The following NLRP13 variants were observed in gnomAD, a reference collection of about 807,000 sequenced individuals.
The protein encoded by NLRP13 is NLR family pyrin domain containing 13.
Under a neutral mutation model 94.4 loss-of-function variants are expected in NLRP13, and 82 were observed. That is an observed-to-expected ratio of 0.87 (90% CI 0.73 to 1.04). The LOEUF (loss-of-function observed/expected upper bound fraction) is 1.04. NLRP13 is among the 50% of genes least tolerant of loss of function. The pLI is 0.00. For missense variants in NLRP13, 1,426 were observed against 1,230.8 expected, an observed-to-expected ratio of 1.16 and a Z score of -2.37; for synonymous variants, 553 against 464.7, an observed-to-expected ratio of 1.19 and a Z score of -2.45.
At position 55,896,014 on chromosome 19, in the gene NLRP13, A is replaced by G; in HGVS notation, c.3063T>C (p.Asp1021=). ...TACATAGCATCTTGACACCATCAGT[A>G]TCCAATTCATTGCCTAGAAGGTTCA... ...VNLNLLGNEL[D]TDGVKMLCKA... Residue 1021 remains aspartate, a synonymous_variant, in exon 11 of 11, where the codon GAT becomes GAC. Coordinates refer to ENST00000342929, the MANE Select transcript of NLRP13 (RefSeq NM_176810.2). 6.2e-7 allele frequency: 1 copy of G among 1,614,226 alleles called. No individual in the cohort carries two copies. The highest frequency in any genetic ancestry group is 8.5e-7 in the Non-Finnish European group (1 of 1,180,032).
At chr19:55,918,582 C>A (rs1481137172) in intron 4 of NLRP13, among the ~76,000 whole-genome samples, 1 of 151,916 alleles carries the variant, frequency 6.6e-6, no homozygotes, top group African/African-American at 2.4e-5. Context: ...TGATCAGAGA[C>A]TACTATGGAC....
chr19:55,892,565 G>A (rs1333654955), downstream of NLRP13, among the ~76,000 whole-genome samples: 2 of 152,056 alleles, frequency 1.3e-5, no homozygotes, highest in Non-Finnish European at 2.9e-5. Context: ...GGGATTATAG[G>A]CGCACACCAC....
intron 10 of NLRP13, among the ~76,000 whole-genome samples, 182 bp from the exon 11 acceptor site, chr19:55,896,301 G>C (rs1986008558): frequency 6.6e-6 from 1 of 152,052 alleles, no homozygotes; most frequent in African/African-American, 2.4e-5. Context: ...GAGGTGGGTA[G>C]ATCATGAGGT....
chr19:55,891,946 TG>T, downstream of NLRP13: 1 of 424,560 alleles, frequency 2.4e-6, no homozygotes, highest in Non-Finnish European at 4.0e-6. Context: ...CAGGATGTCC[TG>T]GTGGCTTTCC....
At position 55,905,018 on chromosome 19, in the gene NLRP13, T is replaced by C; in HGVS notation, c.2542A>G (p.Asn848Asp). 2 of 1,613,764 alleles carry C rather than the reference T, an allele frequency of 1.2e-6. No homozygotes were observed. The highest frequency in any genetic ancestry group is 1.1e-5 in the South Asian group (1 of 91,050). ...QHVTRLCLGF[N>D]RLQDDGIKLL... ...TTTATGCCATCATCTTGGAGCCGAT[T>C]AAATCCCAGGCACAATCGAGTTACG... Residue 848 changes from asparagine to aspartate, a missense_variant, in exon 8 of 11, where the codon AAT (asparagine) becomes GAT (aspartate). Asn to Asp is a conservative substitution (Grantham distance 23). Coordinates refer to ENST00000342929, the MANE Select transcript of NLRP13 (RefSeq NM_176810.2).
At chr19:55,909,128 G>C (rs1600266164) in intron 6 of NLRP13, among the ~76,000 whole-genome samples, 1 of 152,128 alleles carries the variant, frequency 6.6e-6, no homozygotes, top group East Asian at 1.9e-4. Flanking sequence ...CTAGACACCA[G>C]ATCATTCAAA....
At chr19:55,914,293 C>A (rs1166625309) in intron 4 of NLRP13, among the ~76,000 whole-genome samples, 2 of 152,160 alleles carry the variant, frequency 1.3e-5, no homozygotes, top group Non-Finnish European at 2.9e-5. Flanking sequence ...AATGAGCATT[C>A]TAGAGTATAG....
intron 4 of NLRP13, among the ~76,000 whole-genome samples, chr19:55,916,223 TCC>T (rs1320698295): frequency 4.6e-5 from 7 of 151,956 alleles, no homozygotes. Context: ...GAAAAAATAG[TCC>T]CATCTAAACA....
In NLRP13 at chr19:55,907,833, A is replaced by C. The variant is rs760538006; in HGVS notation, c.2406T>G (p.Leu802=). Residue 802 remains leucine, a synonymous_variant, in exon 7 of 11, where the codon CTT becomes CTG. Transcript: ENST00000342929. ...TGCAAGCTGAGTGTCTCAAAGCTTT[A>C]AGAATCAGGGGGACAGTCATTCCCA... ...NKLGMTVPLI[L]KALRHSACNL... 2 of 1,613,978 alleles carry C rather than the reference A, an allele frequency of 1.2e-6. No homozygotes were observed. Among genetic ancestry groups the C allele is most frequent in the Admixed American group, 1.7e-5 (1 of 59,986 alleles).
chr19:55,912,217 A>G lies in NLRP13; in HGVS notation c.1600T>C (p.Phe534Leu), dbSNP rs770898003. The G allele has an allele frequency of 1.2e-6, 2 of 1,614,182 alleles. No homozygotes were observed. The highest frequency in any genetic ancestry group is 2.2e-5 in the East Asian group (1 of 44,884). ...AACTCCTGGAAACTTAGGTGGGTGA[A>G]AGTAGTGCAACCCCCACAGTCATTG... is the stretch of plus-strand genomic sequence containing the variant. ...KINDCGGCTTFTHLSFQEFFA... is the reference protein window; with the variant it reads ...KINDCGGCTTLTHLSFQEFFA... Residue 534 changes from phenylalanine (F) to leucine (L), a missense_variant, in exon 5 of 11, where the codon TTC becomes CTC. Phe to Leu is a conservative substitution (Grantham distance 22, BLOSUM62 0). Coordinates refer to ENST00000342929, the MANE Select transcript of NLRP13 (RefSeq NM_176810.2).
intron 8 of NLRP13, among the ~76,000 whole-genome samples, chr19:55,904,502 C>T (rs896192236): frequency 2.0e-5 from 3 of 152,140 alleles, no homozygotes; most frequent in Admixed American, 2.0e-4. Flanking sequence ...GAGAGAAGAC[C>T]CTGCTGGGAA....
rs140600757 is a variant in NLRP13, at chr19:55,898,867, C to T, written c.2860G>A (p.Val954Met). The change falls in exon 10 of 11, where the codon GTG becomes ATG. Residue 954 changes from valine to methionine, a missense_variant. Val to Met is a conservative substitution (Grantham distance 21, BLOSUM62 1). Coordinates refer to ENST00000342929, the MANE Select transcript of NLRP13 (RefSeq NM_176810.2). ...TTTTCTCCCAAATCCAAGATTTTCA[C>T]ATTATGATTATGGCTGAGGGCATTA... ...LANALSHNHN[V>M]KILDLGENDL... 5.0e-5 allele frequency: 81 copies of T among 1,614,068 alleles called. 1 individual carries two copies. The African/African-American group carries it at 8.8e-4, about 18-fold the overall frequency.
intron 3 of NLRP13, 73 bp from the exon 4 acceptor site, chr19:55,924,052 A>C: frequency 1.7e-6 from 2 of 1,164,828 alleles, no homozygotes; most frequent in Non-Finnish European, 2.6e-6. Context: ...AAAGACTCTC[A>C]GTAGAACCAA....
At chr19:55,892,219 A>G (rs1985870044), downstream of NLRP13, 2 of 854,490 alleles carry the variant, frequency 2.3e-6, no homozygotes, top group Non-Finnish European at 3.1e-6. Context: ...GGTTTGTTAC[A>G]TGGGTCTACT....
intron 1 of NLRP13, among the ~76,000 whole-genome samples, chr19:55,931,485 G>C (rs1297154075): frequency 3.9e-5 from 6 of 151,906 alleles, no homozygotes; most frequent in African/African-American, 1.4e-4. Context: ...GAGGCGAGCA[G>C]ATCACGAGGT....
rs1986907115 is a variant in NLRP13 at position 55,923,984 on chromosome 19, AAT to A, written c.458-7_458-6del. On this transcript the variant is annotated splice_region_variant and splice_polypyrimidine_tract_variant and intron_variant, in intron 3 of 10. Coordinates refer to ENST00000342929, the MANE Select transcript of NLRP13 (RefSeq NM_176810.2). ...ATCCCTGGGCCTGTACATTCCCTGA[AAT>A]AAACAGTGATGATGAGATATGAAAA... 1.2e-6 allele frequency: 2 copies of A among 1,612,100 alleles called. No homozygotes were observed. Among genetic ancestry groups the A allele is most frequent in the Non-Finnish European group, 1.7e-6 (2 of 1,178,382 alleles).
In NLRP13 at chr19:55,913,035, C is replaced by A. The variant is rs1293197598; in HGVS notation, c.782G>T (p.Arg261Met). 6.2e-7 allele frequency: 1 copy of A among 1,614,124 alleles called. No homozygotes were observed. Among genetic ancestry groups the A allele is most frequent in the Admixed American group, 1.7e-5 (1 of 60,020 alleles). ...HWANGVLFQQ[R>M]FSYVFYLSCH... ...GCTGAGATAGAAAACATAGGAGAAC[C>A]TTTGCTGAAAGAGAACTCCATTTGC... The change falls in exon 5 of 11, where the codon AGG becomes ATG. Residue 261 changes from arginine (R) to methionine (M), a missense_variant. By Grantham distance (91) the Arg-to-Met change is moderately conservative. Transcript: ENST00000342929.
rs771370333 is a variant in NLRP13, at chr19:55,923,933, T to C, written c.504A>G (p.Pro168=). ...QGCQDPNQEE[P]EMLEEADHRR... is the part of the protein sequence containing the mutation. Reference sequence around the variant, plus strand: ...ACACACCTGCTTCCTCTAGCATCTCTGGTTCTTCTTGGTTTGGATCTTGGC... The same window carrying C: ...ACACACCTGCTTCCTCTAGCATCTCCGGTTCTTCTTGGTTTGGATCTTGGC... The change falls in exon 4 of 11, where the codon CCA becomes CCG. Residue 168 remains proline (P), a synonymous_variant. Transcript: ENST00000342929. 4.3e-6 allele frequency: 7 copies of C among 1,613,738 alleles called. No homozygotes were observed. The highest frequency in any genetic ancestry group is 5.1e-6 in the Non-Finnish European group (6 of 1,179,648).
At chr19:55,930,101 C>G (rs974760672) in intron 1 of NLRP13, among the ~76,000 whole-genome samples, 8 of 152,142 alleles carry the variant, frequency 5.3e-5, no homozygotes, top group Non-Finnish European at 8.8e-5. Flanking sequence ...ACTCCGCATG[C>G]CCCGTGTCCA....
Sources: gnomAD v4.1 joint callset for allele counts (sites outside exome capture counted in the v4.1 genomes callset) on GRCh38, gnomAD v4.1.1 for gene constraint, MANE v1.5 for transcripts, NCBI Gene and HGNC (gene_info 2026-07-23, HGNC 2026-07-21) for gene names.